The following RIMS2 variants were observed in gnomAD, a reference collection of about 807,000 sequenced individuals.
RIMS2 encodes the protein regulating synaptic membrane exocytosis protein 2.
In RIMS2, 59 loss-of-function variants were observed where a neutral mutation model predicts 174.4. That is an observed-to-expected ratio of 0.34 (90% CI 0.27 to 0.42). RIMS2 has a LOEUF of 0.42. RIMS2 is among the 10% of genes least tolerant of loss of function. The pLI is 1.00. For missense variants in RIMS2, 1,620 were observed against 1,666.3 expected (o/e 0.97, Z 0.48); for synonymous variants, 606 against 572.5 (o/e 1.06, Z -0.84).
chr8:103,588,508 A>G (rs2094088442), intron 1 of RIMS2, among the ~76,000 whole-genome samples: 1 of 152,056 alleles, frequency 6.6e-6, no homozygotes, highest in African/African-American at 2.4e-5. Flanking sequence ...ACTTCAAATT[A>G]TAGTATACAG....
intron 17 of RIMS2, among the ~76,000 whole-genome samples, chr8:104,008,926 A>ATATTCG (rs1198360388): frequency 4.6e-5 from 7 of 152,012 alleles, no homozygotes; most frequent in Non-Finnish European, 8.8e-5. Context: ...AAATAATATA[A>ATATTCG]TATTCGTATT....
chr8:103,823,340 T>G (rs183760418), intron 3 of RIMS2, among the ~76,000 whole-genome samples: 1 of 152,030 alleles, frequency 6.6e-6, no homozygotes, highest in East Asian at 1.9e-4. Context: ...TTTTTTCAAT[T>G]GCAAGTAAGA....
intron 19 of RIMS2, among the ~76,000 whole-genome samples, chr8:104,158,667 C>A (rs2098740992): frequency 6.6e-6 from 1 of 152,116 alleles, no homozygotes; most frequent in African/African-American, 2.4e-5. Flanking sequence ...AGCATTTTTT[C>A]ATGTGTCTGT....
At chr8:103,554,192 G>A (rs1849377535) in intron 1 of RIMS2, among the ~76,000 whole-genome samples, 1 of 152,044 alleles carries the variant, frequency 6.6e-6, no homozygotes, top group Admixed American at 6.6e-5. Flanking sequence ...AATGCACCTT[G>A]ACAAATGGAA....
intron 19 of RIMS2, among the ~76,000 whole-genome samples, chr8:104,163,735 T>C (rs1566778276): frequency 6.6e-6 from 1 of 152,186 alleles, no homozygotes; most frequent in Non-Finnish European, 1.5e-5. Flanking sequence ...TAGCTTTTAT[T>C]CCAAAGATGT....
chr8:103,503,932 C>G (rs1410409953), intron 1 of RIMS2, among the ~76,000 whole-genome samples: 2 of 152,028 alleles, frequency 1.3e-5, no homozygotes, highest in African/African-American at 4.8e-5. Flanking sequence ...AAAAGCTATT[C>G]CTAATTATTA....
Position 103,575,946 on chromosome 8 carries a change from C to T in RIMS2, c.176+74884C>T, listed in dbSNP as rs1043868327. Reference sequence around the variant, plus strand: ...TAGTTTTGCTTCTAACTTCAGTTCCCTAGCAGGAGACTGTCCCTGCCTCAA... The same window carrying T: ...TAGTTTTGCTTCTAACTTCAGTTCCTTAGCAGGAGACTGTCCCTGCCTCAA... On this transcript the variant is annotated intron_variant, in intron 1 of 23. Transcript: ENST00000504942. Among the ~76,000 whole-genome samples, 4 of 152,256 alleles carry T rather than the reference C, an allele frequency of 2.6e-5. No homozygotes were observed. In the East Asian group the frequency reaches 7.7e-4, roughly 29 times the overall value.
chr8:103,638,228 A>C (rs2135447498), intron 1 of RIMS2, among the ~76,000 whole-genome samples: 1 of 152,246 alleles, frequency 6.6e-6, no homozygotes, highest in Non-Finnish European at 1.5e-5. Flanking sequence ...AAAGGGTATA[A>C]AATAATTTTT....
At chr8:103,546,209 C>G (rs1043855379) in intron 1 of RIMS2, among the ~76,000 whole-genome samples, 2 of 151,868 alleles carry the variant, frequency 1.3e-5, no homozygotes, top group Non-Finnish European at 2.9e-5. Context: ...AAATGGAAAA[C>G]AGAAAAAAAC....
exon 4 of RIMS2, chr8:103,885,573 G>C (rs1370852589): frequency 6.2e-7 from 1 of 1,612,852 alleles, no homozygotes; most frequent in Non-Finnish European, 8.5e-7. Context: ...AGGCAAAGGA[G>C]AGAGGAAGAG....
At position 103,934,658 on chromosome 8, in the gene RIMS2, C is replaced by T. The variant is rs140323313; in HGVS notation, c.2376-1893C>T. Among the ~76,000 whole-genome samples the T allele has an allele frequency of 2.6e-5, 4 of 151,192 alleles. No individual in the cohort carries two copies. In the East Asian group the frequency reaches 7.7e-4, roughly 29 times the overall value. On this transcript the variant is annotated intron_variant, in intron 12 of 23. Coordinates refer to ENST00000504942, the Ensembl canonical transcript of RIMS2. Reference sequence around the variant, plus strand: ...TCTGTCCTTACGAGGAAGTTCATGACTTACTTTTCTTTTTCCTTTCAGATT... The same window carrying T: ...TCTGTCCTTACGAGGAAGTTCATGATTTACTTTTCTTTTTCCTTTCAGATT...
rs1288966539 is a variant in RIMS2 at position 103,883,150 on chromosome 8, T to G, written c.699-2148T>G. Among the ~76,000 whole-genome samples the G allele has an allele frequency of 3.3e-5, 5 of 151,884 alleles. No individual in the cohort carries two copies. The East Asian group carries it at 9.7e-4, about 29-fold the overall frequency. ...ATTTCTGCATTCCTAATTTATAAGA[T>G]AGTGTGTGGCATTTATTTCTTAACC... On this transcript the variant is annotated intron_variant, in intron 3 of 23. Coordinates refer to ENST00000504942, the Ensembl canonical transcript of RIMS2.
chr8:104,163,352 T>C (rs2098775697), intron 19 of RIMS2, among the ~76,000 whole-genome samples: 1 of 152,214 alleles, frequency 6.6e-6, no homozygotes, highest in Non-Finnish European at 1.5e-5. Flanking sequence ...CAATATGGTA[T>C]GTGCCAACTA....
chr8:103,627,562 A>T (rs1318844625), intron 1 of RIMS2, among the ~76,000 whole-genome samples: 1 of 152,260 alleles, frequency 6.6e-6, no homozygotes, highest in African/African-American at 2.4e-5. Context: ...AAAGACAGGC[A>T]TAAGAAATTA....
chr8:103,904,373 T>G (rs760302742), intron 4 of RIMS2, among the ~76,000 whole-genome samples: 1 of 152,130 alleles, frequency 6.6e-6, no homozygotes, highest in Non-Finnish European at 1.5e-5. Context: ...TGAAGATATC[T>G]TCTTTGGTGA....
chr8:103,572,384 G>C (rs1563829297), intron 1 of RIMS2, among the ~76,000 whole-genome samples: 1 of 151,918 alleles, frequency 6.6e-6, no homozygotes, highest in Non-Finnish European at 1.5e-5. Flanking sequence ...AGCACTGATT[G>C]GTCCATTTTA....
chr8:103,602,966 A>T (rs1051906251), intron 1 of RIMS2, among the ~76,000 whole-genome samples: 6 of 152,110 alleles, frequency 3.9e-5, no homozygotes, highest in Non-Finnish European at 7.4e-5. Context: ...CCTTGCTAGC[A>T]TCTGTTATTT....
intron 1 of RIMS2, among the ~76,000 whole-genome samples, chr8:103,678,606 G>A (rs755177404): frequency 5.3e-5 from 8 of 152,084 alleles, no homozygotes; most frequent in Non-Finnish European, 1.0e-4. Context: ...GACATTGTTA[G>A]AGAACTTGCT....
In RIMS2 at chr8:103,815,086, A is replaced by T. The variant is rs567637035; in HGVS notation, c.698+48549A>T. On this transcript the variant is annotated intron_variant, in intron 3 of 23. Transcript: ENST00000504942. ...GTGGCTAGTGTATCAAAAAGTATAA[A>T]TGGAAAAAATTTGTCATGTTCTTAC... 7.4e-4 allele frequency among the ~76,000 whole-genome samples: 112 copies of T among 152,310 alleles called. 1 individual carries two copies. The highest frequency in any genetic ancestry group is 2.4e-3 in the African/African-American group (99 of 41,562).
Sources: allele counts gnomAD v4.1 joint callset (sites outside exome capture counted in the v4.1 genomes callset), GRCh38; gene constraint gnomAD v4.1.1; transcripts MANE v1.5; gene names NCBI Gene and HGNC (gene_info 2026-07-23, HGNC 2026-07-21).